The following RPS6 variants were observed in gnomAD, a reference collection of about 807,000 sequenced individuals.
The protein encoded by RPS6 is small ribosomal subunit protein eS6.
Under a neutral mutation model 27.1 loss-of-function variants are expected in RPS6, and 1 was observed. The ratio of observed to expected loss-of-function variants is 0.04; its 90% confidence interval spans 0.01 to 0.18. The LOEUF is 0.18. RPS6 is among the 10% of genes least tolerant of loss of function. The pLI is 1.00. For synonymous variants in RPS6, 152 were observed against 106.0 expected, an observed-to-expected ratio of 1.43 and a Z score of -2.66; for missense variants, 259 against 319.1, an observed-to-expected ratio of 0.81 and a Z score of 1.44.
chr9:19,378,655 G>T (rs1472706898), intron 3 of RPS6, 53 bp downstream of exon 3: 1 of 1,595,224 alleles, frequency 6.3e-7, no homozygotes, highest in African/African-American at 1.3e-5. Flanking sequence ...TAAGCATTTG[G>T]ACAACTGGCT....
At chr9:19,376,767 G>C in intron 4 of RPS6, 116 bp from the exon 5 acceptor site, 5 of 966,776 alleles carry the variant, frequency 5.2e-6, no homozygotes, top group Non-Finnish European at 5.9e-6. Context: ...CCTATAATGA[G>C]GCCTTTAAAA....
intron 4 of RPS6, 105 bp downstream of exon 4, chr9:19,378,263 A>T: frequency 9.1e-7 from 1 of 1,097,676 alleles, no homozygotes; most frequent in South Asian, 1.6e-5. Context: ...CCAAGTGAAT[A>T]GTGCTAAGGC....
intron 4 of RPS6, chr9:19,376,856 A>G: frequency 4.3e-6 from 2 of 460,252 alleles, no homozygotes; most frequent in Non-Finnish European, 3.7e-6. Context: ...TAAAAATATA[A>G]GGGAAACCAA....
chr9:19,379,782 G>A, intron 1 of RPS6, 164 bp from the exon 2 acceptor site: 1 of 1,459,910 alleles, frequency 6.8e-7, no homozygotes. Flanking sequence ...TGAAAGCAGA[G>A]TAGCAGTCAA....
chr9:19,378,945 A>C, intron 2 of RPS6, 27 bp from the exon 3 acceptor site: 1 of 1,603,296 alleles, frequency 6.2e-7, no homozygotes, highest in Non-Finnish European at 8.5e-7. Context: ...TGAATGACAC[A>C]TTTACTATTT....
intron 5 of RPS6, 26 bp downstream of exon 5, chr9:19,376,468 A>G (rs769708592): frequency 1.2e-6 from 2 of 1,611,804 alleles, no homozygotes; most frequent in Non-Finnish European, 1.7e-6. Flanking sequence ...AACTCCTCCC[A>G]CCCCCTCAAA....
intron 1 of RPS6, 172 bp from the exon 2 acceptor site, chr9:19,379,790 CAAG>C (rs1410403314): frequency 6.9e-7 from 1 of 1,447,514 alleles, no homozygotes; most frequent in Admixed American, 2.8e-5. Flanking sequence ...GAGTAGCAGT[CAAG>C]AAGCGCCGCA....
intron 4 of RPS6, among the ~76,000 whole-genome samples, chr9:19,377,805 T>G (rs748806109): frequency 3.3e-5 from 5 of 152,214 alleles, no homozygotes; most frequent in African/African-American, 7.2e-5. Flanking sequence ...TCTTAACTAT[T>G]GTTATCCATA....
At chr9:19,377,432 G>A (rs967215000) in intron 4 of RPS6, among the ~76,000 whole-genome samples, 2 of 149,388 alleles carry the variant, frequency 1.3e-5, no homozygotes, top group African/African-American at 5.0e-5. Context: ...CATAAGGGTA[G>A]GAATTTGTCT....
At chr9:19,378,577 T>C (rs1342293242) in intron 3 of RPS6, 63 bp from the exon 4 acceptor site, 2 of 1,591,528 alleles carry the variant, frequency 1.3e-6, no homozygotes, top group Non-Finnish European at 1.7e-6. Flanking sequence ...TAAATCAGAA[T>C]GTTTAATGTT....
At position 19,376,339 on chromosome 9, in the gene RPS6, G is replaced by C. The variant is rs779539344; in HGVS notation, c.704C>G (p.Ser235Cys). The part of the protein sequence containing the change: ...QEQIAKRRRL[S>C]SLRASTSKSE... Reference sequence around the variant, plus strand: ...CTTAGAAGTAGAAGCTCGCAGAGAGGAAAGTCTGCGTCTCTTCGCAATTTG... The same window carrying C: ...CTTAGAAGTAGAAGCTCGCAGAGAGCAAAGTCTGCGTCTCTTCGCAATTTG... Residue 235 changes from serine (S) to cysteine (C), a missense_variant, in exon 6 of 6, where the codon TCC becomes TGC. Physicochemically the swap from Ser to Cys is moderately radical, Grantham distance 112. Coordinates refer to ENST00000380394, the MANE Select transcript of RPS6 (RefSeq NM_001010.3). 9.3e-6 allele frequency: 15 copies of C among 1,614,028 alleles called. No homozygotes were observed. In the African/African-American group the frequency reaches 9.3e-5, roughly 10 times the overall value.
At chr9:19,377,328 C>T (rs923932342) in intron 4 of RPS6, among the ~76,000 whole-genome samples, 2 of 151,146 alleles carry the variant, frequency 1.3e-5, no homozygotes, top group Non-Finnish European at 2.9e-5. Flanking sequence ...CCAGACCACG[C>T]TTGTATTATA....
At chr9:19,377,218 G>T (rs1485098939) in intron 4 of RPS6, among the ~76,000 whole-genome samples, 1 of 152,130 alleles carries the variant, frequency 6.6e-6, no homozygotes, top group African/African-American at 2.4e-5. Context: ...ACACTTTGTA[G>T]GAGTTAACTG....
At chr9:19,379,968 A>G (rs1829652337) in intron 1 of RPS6, 1 of 1,437,786 alleles carries the variant, frequency 7.0e-7, no homozygotes, top group Non-Finnish European at 9.1e-7. Flanking sequence ...GGGCGCGGGG[A>G]CGCCACCATG....
At chr9:19,377,607 C>T (rs1434021914) in intron 4 of RPS6, among the ~76,000 whole-genome samples, 1 of 152,194 alleles carries the variant, frequency 6.6e-6, no homozygotes, top group African/African-American at 2.4e-5. Context: ...CCAACCTTGA[C>T]TGACATGCTG....
Position 19,379,469 on chromosome 9 carries a change from C to T in RPS6, c.138+18G>A. On this transcript the variant is annotated intron_variant, in intron 2 of 5. Coordinates refer to ENST00000380394, the MANE Select transcript of RPS6 (RefSeq NM_001010.3). Reference sequence around the variant, plus strand: ...CCGTCTCTGACTTAAATACCTGCAACAATTTGTCAACTTTTACCTTCCATT... The same window carrying T: ...CCGTCTCTGACTTAAATACCTGCAATAATTTGTCAACTTTTACCTTCCATT... 6.2e-7 allele frequency: 1 copy of T among 1,614,094 alleles called. No individual in the cohort carries two copies. Among genetic ancestry groups the T allele is most frequent in the Non-Finnish European group, 8.5e-7 (1 of 1,179,978 alleles).
At chr9:19,379,689 T>C in intron 1 of RPS6, 71 bp from the exon 2 acceptor site, 1 of 1,531,200 alleles carries the variant, frequency 6.5e-7, no homozygotes, top group South Asian at 1.3e-5. Flanking sequence ...ATCTACAAAG[T>C]TAATTCCACT....
In RPS6 at chr9:19,376,278, G is replaced by C. The variant is rs562946854; in HGVS notation, c.*15C>G. 42 of 1,593,080 alleles carry C rather than the reference G, an allele frequency of 2.6e-5. No homozygotes were observed. The Admixed American group carries it at 5.3e-4, about 20-fold the overall frequency. ...GATCAGAGTCTGATCTTATTTATTTGTTACTCAAAAAATCTTATTTCTGAC... is the reference window on the plus strand; with the variant it reads ...GATCAGAGTCTGATCTTATTTATTTCTTACTCAAAAAATCTTATTTCTGAC... On this transcript the variant is annotated 3_prime_UTR_variant, in exon 6 of 6. Transcript: ENST00000380394.
Position 19,376,597 on chromosome 9 carries a change from A to G in RPS6, c.551T>C (p.Val184Ala). ...AATACGCCGCCGTTTGTGCTGCAGG[A>G]CACGTGGAGTAACAAGACGCTGAAT... is the stretch of plus-strand genomic sequence containing the variant. The part of the protein sequence containing the change: ...PKIQRLVTPR[V>A]LQHKRRRIAL... The change falls in exon 5 of 6, where the codon GTC becomes GCC. Residue 184 changes from valine (V) to alanine (A), a missense_variant. Coordinates refer to ENST00000380394, the MANE Select transcript of RPS6 (RefSeq NM_001010.3). 2 of 1,614,184 alleles carry G rather than the reference A, an allele frequency of 1.2e-6. No individual in the cohort carries two copies. Among genetic ancestry groups the G allele is most frequent in the South Asian group, 2.2e-5 (2 of 91,082 alleles).
Sources: allele counts gnomAD v4.1 joint callset (sites outside exome capture counted in the v4.1 genomes callset), GRCh38; gene constraint gnomAD v4.1.1; transcripts MANE v1.5; gene names NCBI Gene and HGNC (gene_info 2026-07-23, HGNC 2026-07-21).